Variants in MRPL58 observed in about 807,000 individuals in gnomAD.
MRPL58 encodes large ribosomal subunit protein mL62.
A neutral mutation model predicts 26.0 loss-of-function variants in MRPL58; 17 were observed. The ratio of observed to expected loss-of-function variants is 0.65; its 90% CI spans 0.45 to 0.98. The LOEUF (loss-of-function observed/expected upper bound fraction) is 0.98, where lower values mean the gene tolerates loss of function less well. Among genes scored for constraint, MRPL58 ranks in the 50% least tolerant of loss-of-function variants. The pLI is 0.00. For synonymous variants in MRPL58, 100 were observed against 99.7 expected (o/e 1.00, Z -0.02); for missense variants, 250 against 269.0 (o/e 0.93, Z 0.49).
chr17:75,020,730 A>G (rs2040011157), intron 5 of MRPL58, 73 bp downstream of exon 5: 7 of 1,514,778 alleles, frequency 4.6e-6, no homozygotes, highest in African/African-American at 1.4e-5. Context: ...AGGAAGGGGC[A>G]GGGGAGAGTC....
intron 2 of MRPL58, among the ~76,000 whole-genome samples, chr17:75,019,178 G>C (rs1007119192): frequency 6.6e-6 from 1 of 152,060 alleles, no homozygotes; most frequent in African/African-American, 2.4e-5. Context: ...TGTGTGTAGG[G>C]GAGGAGGCAG....
intron 2 of MRPL58, among the ~76,000 whole-genome samples, chr17:75,017,392 C>G (rs528868462): frequency 1.3e-5 from 2 of 152,272 alleles, no homozygotes; most frequent in African/African-American, 4.8e-5. Flanking sequence ...GTGGGTAGAT[C>G]ACTTGAGGCC....
intron 1 of MRPL58, 124 bp from the exon 2 acceptor site, chr17:75,016,954 G>A (rs1043838600): frequency 1.3e-6 from 1 of 763,476 alleles, no homozygotes; most frequent in East Asian, 2.5e-5. Flanking sequence ...TTTTGCAGGG[G>A]ACCTGAAAAT....
At chr17:75,014,289 CA>C (rs1448483630) in intron 1 of MRPL58, among the ~76,000 whole-genome samples, 2 of 145,178 alleles carry the variant, frequency 1.4e-5, no homozygotes, top group African/African-American at 5.1e-5. Flanking sequence ...GGGTTCACGC[CA>C]TTCTCCTGCC....
rs777636056 is a variant in MRPL58 at position 75,012,789 on chromosome 17, G to C, written c.103G>C (p.Asp35His). ...ACGCCGGGCGCTGCACAAGCAGAAA[G>C]ACGGCACTGAGTTCAAGAGCATCTA... is the stretch of plus-strand genomic sequence containing the variant. ...CPRRALHKQK[D>H]GTEFKSIYSL... The change falls in exon 1 of 6, where the codon GAC (aspartate) becomes CAC (histidine). Residue 35 changes from aspartate (D) to histidine (H), a missense_variant. Coordinates refer to ENST00000301585, the MANE Select transcript of MRPL58 (RefSeq NM_001545.3). The C allele has an allele frequency of 1.9e-6, 3 of 1,610,122 alleles. No individual in the cohort carries two copies. The Admixed American group carries it at 5.0e-5, about 27-fold the overall frequency.
rs1475670117 is a variant in MRPL58 at position 75,021,107 on chromosome 17, T to A, written c.*102T>A. 1.3e-6 allele frequency: 1 copy of A among 757,702 alleles called. No homozygotes were observed. Among genetic ancestry groups the A allele is most frequent in the Non-Finnish European group, 2.3e-6 (1 of 433,166 alleles). The allele number at this position is 757,702 out of a possible 1,614,324, so 46.9% of individuals were successfully genotyped here. ...AGATTTCTGTTTTTCTTTTTGGCTG[T>A]TAATGCTTGTCTATAACATTGGAGC... On this transcript the variant is annotated 3_prime_UTR_variant, in exon 6 of 6. Transcript: ENST00000301585.
Position 75,020,414 on chromosome 17 carries a change from T to G in MRPL58, c.366+19T>G, listed in dbSNP as rs2040007203. 6.2e-7 allele frequency: 1 copy of G among 1,614,096 alleles called. No homozygotes were observed. The highest frequency in any genetic ancestry group is 2.2e-5 in the East Asian group (1 of 44,886). On this transcript the variant is annotated intron_variant, in intron 4 of 5. Transcript: ENST00000301585. ...CATCACGGTAACCACCATCCCTTTC[T>G]TTCCCTAGAAATCCCTCAGTGGCTT... is the stretch of plus-strand genomic sequence containing the variant.
intron 1 of MRPL58, among the ~76,000 whole-genome samples, chr17:75,014,243 T>C (rs915715843): frequency 7.4e-4 from 101 of 135,956 alleles, no homozygotes; most frequent in African/African-American, 2.3e-3. Context: ...TGGAGTGCAG[T>C]GATGCAATCT....
At chr17:75,013,558 AAT>A (rs933716193) in intron 1 of MRPL58, among the ~76,000 whole-genome samples, 2 of 152,220 alleles carry the variant, frequency 1.3e-5, no homozygotes. Flanking sequence ...GTAAATGACT[AAT>A]ATAGAATGTG....
intron 1 of MRPL58, among the ~76,000 whole-genome samples, chr17:75,014,352 A>AT (rs35954769): frequency 0.13 from 15,146 of 113,250 alleles, 1,398 homozygotes; most frequent in African/African-American, 0.27. Context: ...CAACCGGCTA[A>AT]TTTTTTTTTT....
chr17:75,015,206 G>A (rs2039964223), intron 1 of MRPL58, among the ~76,000 whole-genome samples: 1 of 152,220 alleles, frequency 6.6e-6, no homozygotes, highest in Non-Finnish European at 1.5e-5. Context: ...CTATTTTCTG[G>A]CCAGGCGCAG....
Position 75,020,512 on chromosome 17 carries a change from G to T in MRPL58, c.391G>T (p.Gly131Ter), listed in dbSNP as rs774048391. The T allele has an allele frequency of 1.1e-5, 18 of 1,614,062 alleles. No homozygotes were observed. Among genetic ancestry groups the T allele is most frequent in the Non-Finnish European group, 1.4e-5 (16 of 1,180,012 alleles). The change falls in exon 5 of 6, where the codon GGA (glycine) becomes TGA (stop). Residue 131 changes from glycine (G) to a stop codon, truncating the protein, a stop_gained. Coordinates refer to ENST00000301585, the MANE Select transcript of MRPL58 (RefSeq NM_001545.3). LOFTEE classifies it high-confidence loss of function. ...ITHKNKINRL[G>*]ELILTSESSR... Reference sequence around the variant, plus strand: ...GCATAAAAACAAGATCAACAGGTTAGGAGAGTTGATCCTCACCTCTGAGAG... The same window carrying T: ...GCATAAAAACAAGATCAACAGGTTATGAGAGTTGATCCTCACCTCTGAGAG...
chr17:75,016,141 C>T lies in MRPL58; in HGVS notation c.187-937C>T, dbSNP rs972713979. ...AAGACAGGCTGGGCGTGGTGGCTCA[C>T]GCCTGTAATCTTAGCACTTTGGGAG... On this transcript the variant is annotated intron_variant, in intron 1 of 5. Coordinates refer to ENST00000301585, the MANE Select transcript of MRPL58 (RefSeq NM_001545.3). Among the ~76,000 whole-genome samples the T allele has an allele frequency of 4.6e-5, 7 of 151,318 alleles. No individual in the cohort carries two copies. The East Asian group carries it at 6.0e-4, about 13-fold the overall frequency.
chr17:75,019,767 G>A lies in MRPL58; in HGVS notation c.283+8G>A. ...GGCAGAATGTGAACAAAGGTACGGG[G>A]TGCCTTGTTGCTTTCTTTTGCTTTA... is the stretch of plus-strand genomic sequence containing the variant. On this transcript the variant is annotated splice_region_variant and intron_variant, in intron 3 of 5. Transcript: ENST00000301585. 1.9e-6 allele frequency: 3 copies of A among 1,588,738 alleles called. No individual in the cohort carries two copies. Among genetic ancestry groups the A allele is most frequent in the Non-Finnish European group, 2.6e-6 (3 of 1,162,394 alleles).
intron 5 of MRPL58, 38 bp downstream of exon 5, chr17:75,020,695 G>A: frequency 6.2e-7 from 1 of 1,600,208 alleles, no homozygotes; most frequent in Non-Finnish European, 8.6e-7. Context: ...AAACTGATTT[G>A]TGTGGACAAG....
intron 2 of MRPL58, among the ~76,000 whole-genome samples, chr17:75,018,430 CA>C (rs879272600): frequency 2.6e-5 from 4 of 151,998 alleles, no homozygotes; most frequent in Non-Finnish European, 5.9e-5. Context: ...GACGGGGTTT[CA>C]CCATGTTAGC....
intron 1 of MRPL58, among the ~76,000 whole-genome samples, chr17:75,013,922 C>T (rs1179160499): frequency 6.6e-6 from 1 of 152,118 alleles, no homozygotes; most frequent in Non-Finnish European, 1.5e-5. Flanking sequence ...TATTGGAGAG[C>T]TTGAAGCAGA....
At chr17:75,013,394 T>C (rs2039948589) in intron 1 of MRPL58, among the ~76,000 whole-genome samples, 1 of 152,156 alleles carries the variant, frequency 6.6e-6, no homozygotes, top group African/African-American at 2.4e-5. Flanking sequence ...GAGCTTCCAC[T>C]TACAGGACTG....
At position 75,014,266 on chromosome 17, in the gene MRPL58, A is replaced by T. The variant is rs180683828; in HGVS notation, c.186+1394A>T. Reference sequence around the variant, plus strand: ...AGTGATGCAATCTCTGTTCACTGCAAGCTCCGCCTCCCGGGTTCACGCCAT... The same window carrying T: ...AGTGATGCAATCTCTGTTCACTGCATGCTCCGCCTCCCGGGTTCACGCCAT... On this transcript the variant is annotated intron_variant, in intron 1 of 5. Transcript: ENST00000301585. Among the ~76,000 whole-genome samples the T allele has an allele frequency of 2.4e-3, 342 of 141,808 alleles. 3 individuals are homozygous for T. The highest frequency in any genetic ancestry group is 8.4e-3 in the African/African-American group (319 of 37,758). 93.0% of individuals were successfully genotyped at this position (141,808 alleles called of 152,430 possible). A position where few individuals can be genotyped will look rare whatever the true frequency, so the allele number is the denominator to read the frequency against.
Sources: gnomAD v4.1 joint callset for allele counts (sites outside exome capture counted in the v4.1 genomes callset) on GRCh38, gnomAD v4.1.1 for gene constraint, MANE v1.5 for transcripts, NCBI Gene and HGNC (gene_info 2026-07-23, HGNC 2026-07-21) for gene names.